The following CACNA2D1 variants were observed in gnomAD, a reference collection of about 807,000 sequenced individuals.
CACNA2D1 encodes calcium voltage-gated channel auxiliary subunit alpha2delta 1, also known as voltage-dependent calcium channel subunit alpha-2/delta-1.
In CACNA2D1, 53 loss-of-function variants were observed where a neutral mutation model predicts 171.5. That is an observed-to-expected ratio of 0.31 (90% confidence interval 0.25 to 0.39). The LOEUF (loss-of-function observed/expected upper bound fraction) is 0.39, where lower values mean the gene tolerates loss of function less well. CACNA2D1 is among the 10% of genes least tolerant of loss of function. CACNA2D1 has a pLI of 1.00. For missense variants in CACNA2D1, 903 were observed against 1,299.8 expected, an observed-to-expected ratio of 0.69 and a Z score of 4.69; for synonymous variants, 442 against 443.1, an observed-to-expected ratio of 1.00 and a Z score of 0.03.
chr7:82,401,587 A>C (rs377048114), intron 1 of CACNA2D1, among the ~76,000 whole-genome samples: 1 of 150,598 alleles, frequency 6.6e-6, no homozygotes, highest in African/African-American at 2.4e-5. Flanking sequence ...GGATAGCATT[A>C]GGAGATATAC....
chr7:82,126,624 T>A (rs143570197), intron 5 of CACNA2D1, among the ~76,000 whole-genome samples: 34 of 152,320 alleles, frequency 2.2e-4, no homozygotes, highest in African/African-American at 7.0e-4. Flanking sequence ...CCAGCTGGTC[T>A]TAAAGCTTGA....
intron 3 of CACNA2D1, among the ~76,000 whole-genome samples, chr7:82,198,090 C>T (rs1585073726): frequency 6.6e-6 from 1 of 151,210 alleles, no homozygotes; most frequent in Admixed American, 6.7e-5. Flanking sequence ...TTTCTATACC[C>T]CCAGTATAAA....
chr7:82,155,966 A>T (rs774023765), intron 4 of CACNA2D1, among the ~76,000 whole-genome samples: 9 of 152,152 alleles, frequency 5.9e-5, no homozygotes, highest in Non-Finnish European at 1.0e-4. Flanking sequence ...ATAGTCACAC[A>T]TTGATATTTT....
At chr7:82,046,702 T>C (rs1226844210) in intron 10 of CACNA2D1, among the ~76,000 whole-genome samples, 1 of 152,282 alleles carries the variant, frequency 6.6e-6, no homozygotes, top group Admixed American at 6.5e-5. Context: ...TCTGTATATG[T>C]CTAAAAAATG....
chr7:82,374,751 T>A, intron 1 of CACNA2D1, among the ~76,000 whole-genome samples: 1 of 144,686 alleles, frequency 6.9e-6, no homozygotes. Context: ...GCTTTGAAAA[T>A]TTAAAAAAAG....
At chr7:82,152,230 C>A (rs967905295) in intron 4 of CACNA2D1, among the ~76,000 whole-genome samples, 1 of 151,488 alleles carries the variant, frequency 6.6e-6, no homozygotes, top group Non-Finnish European at 1.5e-5. Context: ...TAATATAATT[C>A]GCCTATTGTC....
intron 1 of CACNA2D1, among the ~76,000 whole-genome samples, chr7:82,414,786 A>G (rs1402612197): frequency 1.3e-5 from 2 of 152,326 alleles, no homozygotes; most frequent in Non-Finnish European, 1.5e-5. Context: ...CTGGACTTTG[A>G]TTCTACATGT....
chr7:81,991,903 C>T (rs920171283), intron 20 of CACNA2D1, among the ~76,000 whole-genome samples: 20 of 149,772 alleles, frequency 1.3e-4, no homozygotes, highest in African/African-American at 4.7e-4. Flanking sequence ...GGTGTGATCT[C>T]GGCTCACTGC....
intron 1 of CACNA2D1, among the ~76,000 whole-genome samples, chr7:82,365,915 A>G (rs565928978): frequency 3.3e-5 from 5 of 152,296 alleles, no homozygotes; most frequent in Non-Finnish European, 5.9e-5. Context: ...TGGGTACTCA[A>G]GCTACTACTG....
At chr7:82,381,697 C>T (rs1454966903) in intron 1 of CACNA2D1, among the ~76,000 whole-genome samples, 1 of 151,882 alleles carries the variant, frequency 6.6e-6, no homozygotes, top group Non-Finnish European at 1.5e-5. Context: ...GGAAAAAATA[C>T]TTGAGCTCCC....
At chr7:82,013,682 C>A (rs75958377) in intron 13 of CACNA2D1, among the ~76,000 whole-genome samples, 172 bp from the exon 14 acceptor site, 1 of 151,710 alleles carries the variant, frequency 6.6e-6, no homozygotes, top group Non-Finnish European at 1.5e-5. Flanking sequence ...TGAATCTTCA[C>A]AACAAACACA....
At position 82,078,713 on chromosome 7, in the gene CACNA2D1, T is replaced by G. The variant is rs1809314242; in HGVS notation, c.658+6056A>C. On this transcript the variant is annotated intron_variant, in intron 7 of 38. Coordinates refer to ENST00000356860, the MANE Select transcript of CACNA2D1 (RefSeq NM_000722.4). ...GCAGGCTATAAGCAGATAAAACTAG[T>G]GCTTGCTTTAGAAATCATTTTGTTC... Among the ~76,000 whole-genome samples, 3 of 152,132 alleles carry G rather than the reference T, an allele frequency of 2.0e-5. No homozygotes were observed. In the South Asian group the frequency reaches 6.2e-4, roughly 32 times the overall value.
chr7:82,139,879 G>A (rs1007748015), intron 4 of CACNA2D1, among the ~76,000 whole-genome samples: 1 of 150,744 alleles, frequency 6.6e-6, no homozygotes, highest in African/African-American at 2.4e-5. Flanking sequence ...CTGCCTCCTG[G>A]GCTCAAGCAA....
intron 3 of CACNA2D1, among the ~76,000 whole-genome samples, chr7:82,265,108 T>A (rs1807653049): frequency 6.6e-6 from 1 of 152,140 alleles, no homozygotes; most frequent in South Asian, 2.1e-4. Flanking sequence ...CTGAATAGAT[T>A]TAGGAAAATC....
intron 3 of CACNA2D1, among the ~76,000 whole-genome samples, chr7:82,258,540 C>A (rs1048873158): frequency 6.6e-6 from 1 of 152,102 alleles, no homozygotes; most frequent in African/African-American, 2.4e-5. Context: ...AGTTCATAAC[C>A]ACTAGTACTC....
intron 3 of CACNA2D1, among the ~76,000 whole-genome samples, chr7:82,266,421 T>C (rs1016023210): frequency 3.3e-5 from 5 of 152,198 alleles, no homozygotes; most frequent in Non-Finnish European, 7.3e-5. Context: ...TGTAGAAATA[T>C]AGCAGTATGG....
At chr7:82,031,693 A>C (rs1802719922) in intron 12 of CACNA2D1, among the ~76,000 whole-genome samples, 1 of 151,944 alleles carries the variant, frequency 6.6e-6, no homozygotes, top group Non-Finnish European at 1.5e-5. Flanking sequence ...GGGTTCCAAA[A>C]ATTTTCATCA....
intron 4 of CACNA2D1, among the ~76,000 whole-genome samples, chr7:82,141,259 T>C (rs183087048): frequency 5.9e-5 from 9 of 152,276 alleles, no homozygotes; most frequent in Admixed American, 2.0e-4. Flanking sequence ...AGGACAATTC[T>C]TAGGAATAAA....
rs1350178339 is a variant in CACNA2D1, at chr7:82,278,304, C to T, written c.294+56831G>A. 3.3e-5 allele frequency among the ~76,000 whole-genome samples: 5 copies of T among 152,182 alleles called. No individual in the cohort carries two copies. In the South Asian group the frequency reaches 6.2e-4, roughly 19 times the overall value. On this transcript the variant is annotated intron_variant, in intron 3 of 38. Transcript: ENST00000356860. Reference sequence around the variant, plus strand: ...AAAATTACACATCTTCCTGGCTGGGCGCAGTGGCTCATGCCTGTAATCCCA... The same window carrying T: ...AAAATTACACATCTTCCTGGCTGGGTGCAGTGGCTCATGCCTGTAATCCCA...
Sources: gnomAD v4.1 joint callset for allele counts (sites outside exome capture counted in the v4.1 genomes callset) on GRCh38, gnomAD v4.1.1 for gene constraint, MANE v1.5 for transcripts, NCBI Gene and HGNC (gene_info 2026-07-23, HGNC 2026-07-21) for gene names.